ANK2: variants seen among roughly 807,000 people sequenced by gnomAD.
ANK2 encodes the protein ankyrin-2.
Under a neutral mutation model 360.5 loss-of-function variants are expected in ANK2, and 83 were observed. The observed-to-expected ratio is 0.23, with a 90% CI of 0.19 to 0.28. The LOEUF is 0.28. Among genes scored for constraint, ANK2 ranks in the 10% least tolerant of loss-of-function variants. ANK2 has a pLI of 1.00. For missense variants in ANK2, 4,201 were observed against 4,795.7 expected (o/e 0.88, Z 3.66); for synonymous variants, 1,740 against 1,759.5 (o/e 0.99, Z 0.28).
At chr4:113,201,474 A>G (rs2098829381) in intron 4 of ANK2, among the ~76,000 whole-genome samples, 1 of 152,206 alleles carries the variant, frequency 6.6e-6, no homozygotes, top group South Asian at 2.1e-4. Flanking sequence ...TTGCAGTAAG[A>G]TTCACAAGGT....
chr4:112,849,710 G>A (rs1386689395), intron 1 of ANK2, among the ~76,000 whole-genome samples: 1 of 152,032 alleles, frequency 6.6e-6, no homozygotes, highest in Non-Finnish European at 1.5e-5. Context: ...TTCATCTTTT[G>A]TTCCCTTCTT....
At chr4:113,114,671 G>C (rs2094589696) in intron 1 of ANK2, among the ~76,000 whole-genome samples, 1 of 152,098 alleles carries the variant, frequency 6.6e-6, no homozygotes, top group Admixed American at 6.6e-5. Context: ...TTTTACAAGA[G>C]AGTCTATATT....
At chr4:113,160,743 A>G (rs34145520) in intron 1 of ANK2, among the ~76,000 whole-genome samples, 13,302 of 152,298 alleles carry the variant, frequency 0.087, 783 homozygotes, top group Non-Finnish European at 0.13. Flanking sequence ...ATAGACACGT[A>G]AACAGATGAA....
rs541905643 is a variant in ANK2, at chr4:113,208,260, A to G, written c.384+9151A>G. 2.0e-4 allele frequency among the ~76,000 whole-genome samples: 31 copies of G among 152,046 alleles called. No individual in the cohort carries two copies. The South Asian group carries it at 6.2e-3, about 30-fold the overall frequency. On this transcript the variant is annotated intron_variant, in intron 4 of 45. Coordinates refer to ENST00000357077, the MANE Select transcript of ANK2 (RefSeq NM_001148.6). ...AGCAAATCATTTGGAGACCGTTGTC[A>G]TGATCTACTCCATATAAGAGGTGAT...
intron 1 of ANK2, among the ~76,000 whole-genome samples, chr4:112,887,703 C>T (rs1230753056): frequency 6.6e-6 from 1 of 151,718 alleles, no homozygotes; most frequent in Non-Finnish European, 1.5e-5. Flanking sequence ...AATTAGCAGA[C>T]TAAAGAGATT....
chr4:112,881,831 CT>C, intron 1 of ANK2: 2 of 937,920 alleles, frequency 2.1e-6, no homozygotes, highest in Non-Finnish European at 3.4e-6. Context: ...CAACAAATAT[CT>C]TTTTCACAGT....
chr4:113,133,278 T>C (rs957115328), intron 1 of ANK2, among the ~76,000 whole-genome samples: 5 of 152,166 alleles, frequency 3.3e-5, no homozygotes, highest in African/African-American at 1.2e-4. Context: ...GCAGGTGAGA[T>C]GTATCAAGGG....
the ANK2 span, among the ~76,000 whole-genome samples, chr4:112,767,943 T>C: frequency 6.6e-6 from 1 of 152,084 alleles, no homozygotes; most frequent in Non-Finnish European, 1.5e-5. Context: ...TGCCTTTTAC[T>C]GGAAAAAATC....
rs545186876 is a variant in ANK2 at position 112,869,997 on chromosome 4, G to T, written c.-39-34458G>T. 1.0e-3 allele frequency among the ~76,000 whole-genome samples: 154 copies of T among 151,450 alleles called. 1 individual carries two copies. Among genetic ancestry groups the T allele is most frequent in the Non-Finnish European group, 1.8e-3 (122 of 67,830 alleles). On this transcript the variant is annotated intron_variant, in intron 1 of 30. Transcript: ENST00000503271. ...GCATATTATTATTTTGTTTGTTTTT[G>T]TTTGTTTGTTTGTTTTCTTGAGACA...
At chr4:112,812,448 C>T in the ANK2 span, among the ~76,000 whole-genome samples, 1 of 152,096 alleles carries the variant, frequency 6.6e-6, no homozygotes, top group South Asian at 2.1e-4. Flanking sequence ...ACCCTGAAGC[C>T]ACCATGTTAA....
chr4:112,763,523 C>A, the ANK2 span, among the ~76,000 whole-genome samples: 1 of 125,416 alleles, frequency 8.0e-6, no homozygotes, highest in Non-Finnish European at 1.7e-5. Context: ...TGAGCCACAG[C>A]GCCTGGCCTT....
chr4:113,282,382 G>A (rs1226657845), intron 17 of ANK2, among the ~76,000 whole-genome samples: 1 of 152,138 alleles, frequency 6.6e-6, no homozygotes, highest in Non-Finnish European at 1.5e-5. Context: ...AGAGGAACCT[G>A]GCTTATCCTA....
chr4:113,132,208 T>C (rs1582555180), intron 1 of ANK2, among the ~76,000 whole-genome samples: 1 of 152,228 alleles, frequency 6.6e-6, no homozygotes, highest in African/African-American at 2.4e-5. Context: ...ATTGTTATGA[T>C]ATGATGTATA....
rs1443483734 is a variant in ANK2 at position 113,174,529 on chromosome 4, G to A, written c.186+12G>A. The A allele has an allele frequency of 3.2e-6, 5 of 1,568,868 alleles. No homozygotes were observed. The highest frequency in any genetic ancestry group is 4.4e-6 in the Non-Finnish European group (5 of 1,141,030). ...ATACCTGCAATCAGGTAAGAACATG[G>A]CAGCTAGCTCTGTGTTGTGCAACGA... is the stretch of plus-strand genomic sequence containing the variant. On this transcript the variant is annotated intron_variant, in intron 2 of 45. Coordinates refer to ENST00000357077, the MANE Select transcript of ANK2 (RefSeq NM_001148.6).
intron 1 of ANK2, among the ~76,000 whole-genome samples, chr4:112,883,205 A>C (rs935264740): frequency 2.0e-5 from 3 of 151,036 alleles, no homozygotes; most frequent in African/African-American, 7.3e-5. Flanking sequence ...CACCTGTCTA[A>C]TTTTTGTATT....
At chr4:113,269,634 G>C (rs1017571373) in intron 14 of ANK2, among the ~76,000 whole-genome samples, 1 of 152,192 alleles carries the variant, frequency 6.6e-6, no homozygotes, top group Non-Finnish European at 1.5e-5. Context: ...AGTGAGATGA[G>C]CCAGATACCT....
At chr4:112,937,272 TA>T (rs2093825058) in intron 2 of ANK2, among the ~76,000 whole-genome samples, 1 of 152,022 alleles carries the variant, frequency 6.6e-6, no homozygotes, top group Non-Finnish European at 1.5e-5. Context: ...GAAGCGGCTA[TA>T]AAAGTACTCA....
At chr4:113,206,661 A>G (rs1460692496) in intron 4 of ANK2, among the ~76,000 whole-genome samples, 2 of 152,170 alleles carry the variant, frequency 1.3e-5, no homozygotes, top group African/African-American at 2.4e-5. Context: ...TCAGCACTCC[A>G]AGTTAAAGAA....
chr4:113,206,862 A>G (rs1288947033), intron 4 of ANK2, among the ~76,000 whole-genome samples: 1 of 152,152 alleles, frequency 6.6e-6, no homozygotes, highest in Non-Finnish European at 1.5e-5. Flanking sequence ...CATCTGTACT[A>G]AAAATACAAA....
Sources: gnomAD v4.1 joint callset for allele counts (sites outside exome capture counted in the v4.1 genomes callset) on GRCh38, gnomAD v4.1.1 for gene constraint, MANE v1.5 for transcripts, NCBI Gene and HGNC (gene_info 2026-07-23, HGNC 2026-07-21) for gene names.